Variants in OR51C1 observed in about 807,000 individuals in gnomAD.
The protein encoded by OR51C1 is olfactory receptor family 51 subfamily C member 1, also known as olfactory receptor OR51C1.
chr11:4,695,475 C>G, the OR51C1 span, among the ~76,000 whole-genome samples: 4 of 152,174 alleles, frequency 2.6e-5, no homozygotes, highest in Admixed American at 1.3e-4. Flanking sequence ...GTGAGGGATA[C>G]AAGACATAAG....
At chr11:4,691,007 G>A in the OR51C1 span, 30 of 455,544 alleles carry the variant, frequency 6.6e-5, no homozygotes, top group African/African-American at 5.2e-4. Flanking sequence ...TCTCTTCTGG[G>A]GAAGCAACGC....
chr11:4,693,187 C>T, the OR51C1 span, among the ~76,000 whole-genome samples: 1 of 152,164 alleles, frequency 6.6e-6, no homozygotes, highest in Non-Finnish European at 1.5e-5. Context: ...ACAATGCATA[C>T]ATGTATAACA....
chr11:4,696,086 G>A, the OR51C1 span, among the ~76,000 whole-genome samples: 4 of 152,160 alleles, frequency 2.6e-5, no homozygotes, highest in African/African-American at 7.2e-5. Context: ...ATACAGTGAA[G>A]CAATCAAACC....
At chr11:4,697,172 A>T in the OR51C1 span, among the ~76,000 whole-genome samples, 1 of 152,188 alleles carries the variant, frequency 6.6e-6, no homozygotes, top group African/African-American at 2.4e-5. Context: ...GTCAGAGCTG[A>T]ATTTTTAACT....
At chr11:4,697,446 A>G in the OR51C1 span, among the ~76,000 whole-genome samples, 1 of 152,238 alleles carries the variant, frequency 6.6e-6, no homozygotes. Context: ...AAAACAAGTT[A>G]TCTAACCTAT....
chr11:4,693,647 G>A, the OR51C1 span, among the ~76,000 whole-genome samples: 176 of 152,264 alleles, frequency 1.2e-3, no homozygotes, highest in African/African-American at 4.1e-3. Flanking sequence ...AGTGAACCTG[G>A]AAGGCGGAGC....
At chr11:4,691,889 T>G in the OR51C1 span, among the ~76,000 whole-genome samples, 1 of 152,224 alleles carries the variant, frequency 6.6e-6, no homozygotes, top group Non-Finnish European at 1.5e-5. Context: ...TAGTGGGCAC[T>G]TTGGTTTGTT....
chr11:4,694,509 C>CAT, the OR51C1 span, among the ~76,000 whole-genome samples: 11 of 124,516 alleles, frequency 8.8e-5, no homozygotes, highest in South Asian at 1.8e-3. Context: ...TATACACACA[C>CAT]ATATATATAT....
At chr11:4,692,118 G>A in the OR51C1 span, 1 of 446,972 alleles carries the variant, frequency 2.2e-6, no homozygotes, top group Non-Finnish European at 4.5e-6. Flanking sequence ...GTTGGCACCA[G>A]AGAAAAATAC....
At chr11:4,691,249 T>C in the OR51C1 span, 6 of 456,836 alleles carry the variant, frequency 1.3e-5, no homozygotes, top group East Asian at 1.4e-4. Flanking sequence ...AGCCCCCTGA[T>C]GACACTTGCC....
the OR51C1 span, chr11:4,691,505 G>A: frequency 2.2e-6 from 1 of 456,660 alleles, no homozygotes; most frequent in Non-Finnish European, 4.4e-6. Context: ...CGGACAGCAT[G>A]GAGAGGAAAT....
the OR51C1 span, chr11:4,692,061 C>T: frequency 2.7e-6 from 1 of 374,086 alleles, no homozygotes; most frequent in Non-Finnish European, 5.3e-6. Flanking sequence ...TTCTTTATGG[C>T]ATGTTTAAAT....
chr11:4,697,238 C>G, the OR51C1 span, among the ~76,000 whole-genome samples: 2 of 152,148 alleles, frequency 1.3e-5, no homozygotes, highest in Admixed American at 6.5e-5. Flanking sequence ...TTACTGAAAT[C>G]TACAAGTAAT....
chr11:4,693,195 A>T, the OR51C1 span, among the ~76,000 whole-genome samples: 1 of 152,210 alleles, frequency 6.6e-6, no homozygotes, highest in Non-Finnish European at 1.5e-5. Flanking sequence ...TACATGTATA[A>T]CAACATCACA....
the OR51C1 span, among the ~76,000 whole-genome samples, chr11:4,697,150 C>A: frequency 1.3e-5 from 2 of 152,162 alleles, no homozygotes; most frequent in Non-Finnish European, 2.9e-5. Flanking sequence ...AAATCACATA[C>A]AACTGGTGAA....
the OR51C1 span, chr11:4,690,988 T>C: frequency 4.6e-5 from 21 of 454,722 alleles, no homozygotes; most frequent in South Asian, 3.3e-4. Flanking sequence ...GTACTGAAGG[T>C]TTCCTTCCTC....
chr11:4,694,093 TAA>T, the OR51C1 span, among the ~76,000 whole-genome samples: 1 of 152,172 alleles, frequency 6.6e-6, no homozygotes, highest in South Asian at 2.1e-4. Flanking sequence ...TGTAACCACT[TAA>T]AAAAATTAAA....
the OR51C1 span, among the ~76,000 whole-genome samples, chr11:4,697,411 G>A: frequency 6.6e-6 from 1 of 152,170 alleles, no homozygotes; most frequent in East Asian, 1.9e-4. Flanking sequence ...AAATATATCA[G>A]CACACTGATT....
chr11:4,694,826 C>A, the OR51C1 span, among the ~76,000 whole-genome samples: 1 of 152,136 alleles, frequency 6.6e-6, no homozygotes, highest in South Asian at 2.1e-4. Context: ...TGTGTGCATA[C>A]ATGAATGTGT....
Sources: gnomAD v4.1 joint callset for allele counts (sites outside exome capture counted in the v4.1 genomes callset) on GRCh38, gnomAD v4.1.1 for gene constraint, MANE v1.5 for transcripts, NCBI Gene and HGNC (gene_info 2026-07-23, HGNC 2026-07-21) for gene names.